The following SORCS1 variants were observed in gnomAD, a reference collection of about 807,000 sequenced individuals.
SORCS1 encodes the protein sortilin related VPS10 domain containing receptor 1, also known as VPS10 domain-containing receptor SorCS1.
SORCS1 carries 60 observed loss-of-function variants against 146.1 expected under a neutral mutation model. The observed-to-expected ratio is 0.41, with a 90% CI of 0.33 to 0.51. The LOEUF is 0.51. SORCS1 is among the 20% of genes least tolerant of loss of function. The pLI, the probability that SORCS1 is intolerant of heterozygous loss-of-function variation, is 0.21. For synonymous variants in SORCS1, 637 were observed against 584.0 expected, an observed-to-expected ratio of 1.09 and a Z score of -1.31; for missense variants, 1,352 against 1,487.6, an observed-to-expected ratio of 0.91 and a Z score of 1.50.
intron 1 of SORCS1, among the ~76,000 whole-genome samples, chr10:107,063,703 G>C (rs567073391): frequency 1.4e-4 from 21 of 152,260 alleles, no homozygotes; most frequent in African/African-American, 5.1e-4. Flanking sequence ...TCCTGACAGG[G>C]ACTTAGCTTT....
intron 2 of SORCS1, among the ~76,000 whole-genome samples, chr10:106,888,888 C>G (rs1181093810): frequency 2.0e-5 from 3 of 152,216 alleles, no homozygotes; most frequent in Admixed American, 1.3e-4. Context: ...TAATTAACCA[C>G]AGATGTGAAA....
chr10:107,112,516 AT>A (rs902165349), intron 1 of SORCS1, among the ~76,000 whole-genome samples: 93 of 152,256 alleles, frequency 6.1e-4, no homozygotes, highest in African/African-American at 2.1e-3. Flanking sequence ...AATTAAAAAA[AT>A]GTCAATAGTA....
intron 1 of SORCS1, among the ~76,000 whole-genome samples, chr10:107,100,509 G>A (rs1174666996): frequency 5.2e-5 from 7 of 134,176 alleles, no homozygotes; most frequent in African/African-American, 1.0e-4. Flanking sequence ...GCAAGACTCC[G>A]CCTCAAAAAA....
At chr10:106,834,368 T>C (rs2137057377) in intron 2 of SORCS1, among the ~76,000 whole-genome samples, 1 of 152,364 alleles carries the variant, frequency 6.6e-6, no homozygotes, top group South Asian at 2.1e-4. Context: ...CAACATTTAA[T>C]GTTCCTTTAC....
At chr10:106,681,044 T>C (rs1852400568) in intron 10 of SORCS1, among the ~76,000 whole-genome samples, 1 of 152,218 alleles carries the variant, frequency 6.6e-6, no homozygotes, top group African/African-American at 2.4e-5. Flanking sequence ...AAAAATTTCA[T>C]GTAAAGCTTT....
intron 1 of SORCS1, among the ~76,000 whole-genome samples, chr10:107,056,038 T>G (rs1464593245): frequency 6.6e-6 from 1 of 152,332 alleles, no homozygotes; most frequent in East Asian, 1.9e-4. Flanking sequence ...CCCAGTAGTT[T>G]CTTTATGACA....
At chr10:106,798,850 G>T (rs1294906596) in intron 3 of SORCS1, among the ~76,000 whole-genome samples, 1 of 135,540 alleles carries the variant, frequency 7.4e-6, no homozygotes, top group Admixed American at 7.2e-5. Context: ...AGCTACCAAT[G>T]ACTTTTTTCA....
At chr10:107,099,877 C>T (rs1964798054) in intron 1 of SORCS1, among the ~76,000 whole-genome samples, 2 of 152,156 alleles carry the variant, frequency 1.3e-5, no homozygotes, top group Admixed American at 6.5e-5. Context: ...GATTTCTGAC[C>T]TCACTGATCT....
intron 4 of SORCS1, among the ~76,000 whole-genome samples, chr10:106,766,118 G>A (rs1341908019): frequency 1.3e-5 from 2 of 152,188 alleles, no homozygotes; most frequent in African/African-American, 4.8e-5. Context: ...CTCCTTAGGA[G>A]GCGCCTGTGT....
intron 5 of SORCS1, among the ~76,000 whole-genome samples, chr10:106,750,269 G>C (rs1210277535): frequency 6.6e-6 from 1 of 152,116 alleles, no homozygotes; most frequent in Non-Finnish European, 1.5e-5. Flanking sequence ...TTCAAAGATA[G>C]AGAAGCTGCA....
Position 107,124,130 on chromosome 10 carries a change from T to A in SORCS1, c.558+39839A>T, listed in dbSNP as rs954064695. 5.3e-5 allele frequency among the ~76,000 whole-genome samples: 8 copies of A among 151,170 alleles called. No homozygotes were observed. The East Asian group carries it at 1.6e-3, about 29-fold the overall frequency. ...AAGAAAATGGAGACAATGCAAACTG[T>A]GAAGGTTAGAGTGAGAATTAAATAA... On this transcript the variant is annotated intron_variant, in intron 1 of 25. Transcript: ENST00000263054.
chr10:107,129,533 G>A (rs1165939963), intron 1 of SORCS1, among the ~76,000 whole-genome samples: 3 of 152,210 alleles, frequency 2.0e-5, no homozygotes, highest in African/African-American at 4.8e-5. Flanking sequence ...GGAGAAACCA[G>A]GTGGAGACGG....
intron 24 of SORCS1, among the ~76,000 whole-genome samples, chr10:106,590,460 G>A (rs1283109169): frequency 1.3e-5 from 2 of 152,082 alleles, no homozygotes; most frequent in African/African-American, 4.8e-5. Flanking sequence ...ATCTAAAAAT[G>A]GATCCTGCCC....
At chr10:106,636,427 C>T (rs955050089) in intron 18 of SORCS1, among the ~76,000 whole-genome samples, 1 of 152,264 alleles carries the variant, frequency 6.6e-6, no homozygotes, top group Admixed American at 6.5e-5. Context: ...TGTTTTCACA[C>T]TGCTATAAAG....
In SORCS1 at chr10:107,054,513, G is replaced by T. The variant is rs142877770; in HGVS notation, c.559-97933C>A. On this transcript the variant is annotated intron_variant, in intron 1 of 25. Transcript: ENST00000263054. Reference sequence around the variant, plus strand: ...GACAGAAAAGAGCTGGACACGTTTGGTGGACAGAAAGAAGGAAAGTCTGGC... The same window carrying T: ...GACAGAAAAGAGCTGGACACGTTTGTTGGACAGAAAGAAGGAAAGTCTGGC... Among the ~76,000 whole-genome samples, 276 of 152,282 alleles carry T rather than the reference G, an allele frequency of 1.8e-3. 2 individuals carry two copies. The highest frequency in any genetic ancestry group is 6.4e-3 in the African/African-American group (268 of 41,584).
At chr10:106,838,498 G>A (rs984410535) in intron 2 of SORCS1, among the ~76,000 whole-genome samples, 8 of 152,072 alleles carry the variant, frequency 5.3e-5, no homozygotes, top group Non-Finnish European at 8.8e-5. Context: ...CATTCCATGG[G>A]TTCTGACAAA....
At chr10:107,144,913 GT>G (rs1968179170) in intron 1 of SORCS1, among the ~76,000 whole-genome samples, 1 of 152,178 alleles carries the variant, frequency 6.6e-6, no homozygotes, top group African/African-American at 2.4e-5. Flanking sequence ...ACATCACGCT[GT>G]TAAAAAGGGG....
intron 19 of SORCS1, among the ~76,000 whole-genome samples, chr10:106,622,290 A>G (rs796226802): frequency 1.3e-4 from 10 of 78,872 alleles, no homozygotes; most frequent in South Asian, 5.2e-4. Flanking sequence ...TTCCATCTCG[A>G]AAAAAAAAAA....
At chr10:107,093,754 A>T (rs1964366768) in intron 1 of SORCS1, among the ~76,000 whole-genome samples, 1 of 151,792 alleles carries the variant, frequency 6.6e-6, no homozygotes, top group Admixed American at 6.6e-5. Context: ...CACATTCCCT[A>T]TGGTGGATGG....
Sources: allele counts gnomAD v4.1 joint callset (sites outside exome capture counted in the v4.1 genomes callset), GRCh38; gene constraint gnomAD v4.1.1; transcripts MANE v1.5; gene names NCBI Gene and HGNC (gene_info 2026-07-23, HGNC 2026-07-21).